SASH1: variants seen among roughly 807,000 people sequenced by gnomAD.
SASH1 encodes SAM and SH3 domain containing 1.
A neutral mutation model predicts 125.2 loss-of-function variants in SASH1; 44 were observed. The ratio of observed to expected loss-of-function variants is 0.35; its 90% CI spans 0.28 to 0.45. The LOEUF (loss-of-function observed/expected upper bound fraction) is 0.45, where lower values mean the gene tolerates loss of function less well. Ranked by LOEUF, SASH1 falls within the 20% of genes least tolerant of loss-of-function variation. The pLI is 1.00. For missense variants in SASH1, 1,426 were observed against 1,614.5 expected (o/e 0.88, Z 2.00); for synonymous variants, 639 against 649.1 (o/e 0.98, Z 0.24).
intron 2 of SASH1, among the ~76,000 whole-genome samples, chr6:148,424,796 A>G (rs73011365): frequency 0.18 from 28,053 of 152,170 alleles, 2,962 homozygotes; most frequent in East Asian, 0.28. Flanking sequence ...TCTGACTAGA[A>G]GCAGCTCTGA....
intron 2 of SASH1, among the ~76,000 whole-genome samples, chr6:148,404,437 C>A: frequency 6.6e-6 from 1 of 151,330 alleles, no homozygotes; most frequent in African/African-American, 2.4e-5. Context: ...AATGGGTATA[C>A]AAATATAAAC....
chr6:148,228,952 G>A, the SASH1 span, among the ~76,000 whole-genome samples: 1 of 151,814 alleles, frequency 6.6e-6, no homozygotes, highest in African/African-American at 2.4e-5. Flanking sequence ...CCTGGGCAAT[G>A]TGGTGAAACC....
chr6:148,441,918 G>A (rs1583165467), intron 4 of SASH1, among the ~76,000 whole-genome samples: 1 of 152,102 alleles, frequency 6.6e-6, no homozygotes, highest in Non-Finnish European at 1.5e-5. Flanking sequence ...TTAAACACAC[G>A]CCCACTGTCT....
chr6:148,232,605 T>A, the SASH1 span, among the ~76,000 whole-genome samples: 3 of 152,304 alleles, frequency 2.0e-5, no homozygotes, highest in African/African-American at 7.2e-5. Flanking sequence ...ACAATTAAGA[T>A]GTGGGACAGA....
At chr6:148,470,179 G>C (rs986788468) in intron 5 of SASH1, among the ~76,000 whole-genome samples, 1 of 152,366 alleles carries the variant, frequency 6.6e-6, no homozygotes, top group South Asian at 2.1e-4. Flanking sequence ...CCCAAAGGCA[G>C]TGGGTGATAC....
chr6:148,351,751 T>C (rs1332372095), intron 1 of SASH1, among the ~76,000 whole-genome samples: 1 of 151,152 alleles, frequency 6.6e-6, no homozygotes, highest in Non-Finnish European at 1.5e-5. Flanking sequence ...TAATAATAAT[T>C]TTGTATTGGT....
intron 1 of SASH1, among the ~76,000 whole-genome samples, chr6:148,385,916 G>A (rs187575414): frequency 2.6e-5 from 4 of 152,208 alleles, no homozygotes; most frequent in East Asian, 1.9e-4. Context: ...CAAGTTTTCC[G>A]AGCCACTCTA....
chr6:148,319,257 G>A (rs1350825822), intron 1 of SASH1, among the ~76,000 whole-genome samples: 1 of 150,862 alleles, frequency 6.6e-6, no homozygotes, highest in African/African-American at 2.4e-5. Context: ...GGATGGTCTT[G>A]ATCTCCTGAC....
intron 4 of SASH1, among the ~76,000 whole-genome samples, chr6:148,461,658 C>G (rs1476506422): frequency 6.6e-6 from 1 of 152,174 alleles, no homozygotes; most frequent in Non-Finnish European, 1.5e-5. Context: ...CTGTGTCTCT[C>G]TGGCATCATC....
chr6:148,411,783 A>C (rs1180494479), intron 2 of SASH1, among the ~76,000 whole-genome samples: 1 of 152,234 alleles, frequency 6.6e-6, no homozygotes, highest in African/African-American at 2.4e-5. Flanking sequence ...ACCTCAAGTG[A>C]TCTGCCTGCC....
At chr6:148,471,587 A>G (rs139529147) in intron 6 of SASH1, 84 bp downstream of exon 6, 24 of 830,280 alleles carry the variant, frequency 2.9e-5, no homozygotes, top group Middle Eastern at 2.2e-4. Context: ...AGTGGATGCT[A>G]TAAGTTAGCG....
chr6:148,226,005 A>G, the SASH1 span, among the ~76,000 whole-genome samples: 1 of 152,206 alleles, frequency 6.6e-6, no homozygotes, highest in Admixed American at 6.5e-5. Flanking sequence ...ACTGTAGTTT[A>G]GAAGAAAAGA....
At chr6:148,437,979 A>G in intron 2 of SASH1, among the ~76,000 whole-genome samples, 1 of 152,232 alleles carries the variant, frequency 6.6e-6, no homozygotes, top group East Asian at 1.9e-4. Flanking sequence ...GATAAATAAA[A>G]GAAGATCGTT....
At chr6:148,512,895 C>A in intron 8 of SASH1, 1 of 985,178 alleles carries the variant, frequency 1.0e-6, no homozygotes, top group Non-Finnish European at 1.2e-6. Flanking sequence ...AGTGGGTAAA[C>A]GGTTTGCTGA....
chr6:148,348,073 C>G (rs941999048), intron 1 of SASH1, among the ~76,000 whole-genome samples: 4 of 152,118 alleles, frequency 2.6e-5, no homozygotes, highest in Admixed American at 2.6e-4. Flanking sequence ...GTGGTGCAAT[C>G]TCCGGTCACT....
intron 1 of SASH1, among the ~76,000 whole-genome samples, chr6:148,282,672 G>C (rs35351646): frequency 4.0e-5 from 6 of 151,886 alleles, no homozygotes; most frequent in Non-Finnish European, 7.4e-5. Context: ...GAGCCACCAC[G>C]CCCAGCCTCA....
rs1035104955 is a variant in SASH1 at position 148,379,473 on chromosome 6, C to T, written c.157-10661C>T. 2.0e-5 allele frequency among the ~76,000 whole-genome samples: 3 copies of T among 152,046 alleles called. No individual in the cohort carries two copies. The South Asian group carries it at 6.2e-4, about 32-fold the overall frequency. On this transcript the variant is annotated intron_variant, in intron 1 of 19. Coordinates refer to ENST00000367467, the MANE Select transcript of SASH1 (RefSeq NM_015278.5). ...TTGTGAGGTCAGTAGGGACAAGAATCGTGACTAGAAGCTCACCATTATATA... is the reference window on the plus strand; with the variant it reads ...TTGTGAGGTCAGTAGGGACAAGAATTGTGACTAGAAGCTCACCATTATATA...
intron 1 of SASH1, among the ~76,000 whole-genome samples, chr6:148,317,026 T>C (rs958673816): frequency 5.3e-5 from 8 of 152,188 alleles, no homozygotes; most frequent in African/African-American, 1.9e-4. Flanking sequence ...CACTCCATTC[T>C]GAGTTAGCTG....
chr6:148,377,162 T>C (rs1583047955), intron 1 of SASH1, among the ~76,000 whole-genome samples: 2 of 102,538 alleles, frequency 2.0e-5, no homozygotes, highest in Non-Finnish European at 1.8e-5. Context: ...AGAGCGAGAC[T>C]CCGTCTCAAA....
Sources: gnomAD v4.1 joint callset for allele counts (sites outside exome capture counted in the v4.1 genomes callset) on GRCh38, gnomAD v4.1.1 for gene constraint, MANE v1.5 for transcripts, NCBI Gene and HGNC (gene_info 2026-07-23, HGNC 2026-07-21) for gene names.